Variants in BABAM1 observed in about 807,000 individuals in gnomAD.
BABAM1 encodes BRISC and BRCA1 A complex member 1.
A neutral mutation model predicts 34.4 loss-of-function variants in BABAM1; 14 were observed. The observed-to-expected ratio is 0.41, with a 90% CI of 0.27 to 0.64. The LOEUF (loss-of-function observed/expected upper bound fraction) is 0.64, where lower values mean the gene tolerates loss of function less well. BABAM1 is among the 30% of genes least tolerant of loss of function. The pLI is 0.34. For missense variants in BABAM1, 393 were observed against 434.0 expected (o/e 0.91, Z 0.84); for synonymous variants, 169 against 165.8 (o/e 1.02, Z -0.15).
At chr19:17,275,910 T>G (rs1599498749) in intron 6 of BABAM1, 85 bp downstream of exon 6, 1 of 1,486,362 alleles carries the variant, frequency 6.7e-7, no homozygotes, top group East Asian at 2.3e-5. Context: ...ACAGAAGTAA[T>G]CTAGGGAGCC....
Position 17,276,943 on chromosome 19 carries a change from G to A in BABAM1, c.786+34G>A, listed in dbSNP as rs771006262. 9.3e-5 allele frequency: 143 copies of A among 1,545,450 alleles called. No individual in the cohort carries two copies. The African/African-American group carries it at 1.7e-3, about 18-fold the overall frequency. On this transcript the variant is annotated intron_variant, in intron 8 of 8. Transcript: ENST00000598188. ...CTGCAGCAGGTGTGAGTAGCAGGCGGGTGTGGACAGGATGTCTTGGAACAC... is the reference window on the plus strand; with the variant it reads ...CTGCAGCAGGTGTGAGTAGCAGGCGAGTGTGGACAGGATGTCTTGGAACAC...
At chr19:17,269,437 GCCTC>G (rs1358586396) in intron 2 of BABAM1, among the ~76,000 whole-genome samples, 1 of 145,466 alleles carries the variant, frequency 6.9e-6, no homozygotes, top group Non-Finnish European at 1.5e-5. Flanking sequence ...TGCAACCTCT[GCCTC>G]CCGGGTTCAA....
chr19:17,271,480 G>A (rs2073840211), intron 2 of BABAM1, 117 bp from the exon 3 acceptor site: 1 of 1,136,070 alleles, frequency 8.8e-7, no homozygotes, highest in African/African-American at 1.6e-5. Flanking sequence ...GCTTGGCTGA[G>A]GATTAGAGGT....
chr19:17,270,199 G>A (rs2073823516), intron 2 of BABAM1, among the ~76,000 whole-genome samples: 1 of 152,070 alleles, frequency 6.6e-6, no homozygotes, highest in Admixed American at 6.6e-5. Flanking sequence ...CCAAAGTGCT[G>A]GGATTACAGG....
chr19:17,276,995 C>T, intron 8 of BABAM1, 86 bp downstream of exon 8: 1 of 1,294,560 alleles, frequency 7.7e-7, no homozygotes, highest in South Asian at 1.3e-5. Flanking sequence ...GGGGTCTCTA[C>T]CTCCATTTGA....
intron 5 of BABAM1, 113 bp downstream of exon 5, chr19:17,274,298 T>A (rs2073882607): frequency 1.5e-6 from 2 of 1,375,662 alleles, no homozygotes; most frequent in Non-Finnish European, 2.0e-6. Flanking sequence ...AGATCTCAGA[T>A]CTGCCAAGGC....
intron 2 of BABAM1, among the ~76,000 whole-genome samples, chr19:17,270,056 G>A (rs1016242311): frequency 1.6e-4 from 24 of 151,344 alleles, no homozygotes; most frequent in Non-Finnish European, 3.2e-4. Context: ...TCAGCCTCCC[G>A]AGTAGCTGGG....
Position 17,268,944 on chromosome 19 carries a change from C to T in BABAM1, c.138C>T (p.Gly46=). Residue 46 remains glycine (G), a synonymous_variant, in exon 2 of 9, where the codon GGC becomes GGT. Transcript: ENST00000598188. ...DRAVGAQASV[G]SRSEGEGEAA... ...CAGTAGGGGCACAGGCCAGCGTGGG[C>T]AGCCGCAGCGAGGGTGAGGGTGAGG... The T allele has an allele frequency of 6.3e-7, 1 of 1,575,022 alleles. No homozygotes were observed. The highest frequency in any genetic ancestry group is 8.6e-7 in the Non-Finnish European group (1 of 1,161,488).
At chr19:17,273,872 C>A in intron 3 of BABAM1, 32 bp from the exon 4 acceptor site, 1 of 1,572,930 alleles carries the variant, frequency 6.4e-7, no homozygotes, top group Non-Finnish European at 8.6e-7. Flanking sequence ...CCTGAGGGAA[C>A]CTTAATTCCC....
intron 2 of BABAM1, among the ~76,000 whole-genome samples, chr19:17,269,727 A>ATTT (rs1023530092): frequency 0.013 from 1,760 of 138,052 alleles, 33 homozygotes; most frequent in African/African-American, 0.044. Context: ...TCTTTGCCCA[A>ATTT]TTTTTTTTTT....
At chr19:17,278,325 T>C (rs1356469738) in intron 8 of BABAM1, among the ~76,000 whole-genome samples, 1 of 150,814 alleles carries the variant, frequency 6.6e-6, no homozygotes, top group Non-Finnish European at 1.5e-5. Context: ...TTTTTTTTTT[T>C]TGAGGCGGAG....
At chr19:17,275,936 T>A in intron 6 of BABAM1, 111 bp downstream of exon 6, 1 of 1,241,422 alleles carries the variant, frequency 8.1e-7, no homozygotes, top group Non-Finnish European at 1.2e-6. Flanking sequence ...GCCTCCTCCC[T>A]TCCTACCTCG....
At chr19:17,273,696 G>T (rs1307769331) in intron 3 of BABAM1, among the ~76,000 whole-genome samples, 1 of 151,388 alleles carries the variant, frequency 6.6e-6, no homozygotes, top group Non-Finnish European at 1.5e-5. Context: ...CTGAGTAGCT[G>T]GGATTACAGG....
intron 8 of BABAM1, 66 bp from the exon 9 acceptor site, chr19:17,278,779 T>C: frequency 6.9e-7 from 1 of 1,457,934 alleles, no homozygotes; most frequent in Non-Finnish European, 9.4e-7. Flanking sequence ...CCTCCAGGGA[T>C]ATGAAGGGCC....
intron 1 of BABAM1, 57 bp downstream of exon 1, chr19:17,267,584 A>G (rs554229757): frequency 3.3e-5 from 5 of 152,346 alleles, no homozygotes; most frequent in Non-Finnish European, 7.3e-5. Flanking sequence ...CTTTGCCCCA[A>G]GAGATCCAGC....
chr19:17,267,858 G>A (rs528929940), intron 1 of BABAM1, among the ~76,000 whole-genome samples: 1 of 152,292 alleles, frequency 6.6e-6, no homozygotes, highest in East Asian at 1.9e-4. Context: ...GGGTGTCCTA[G>A]AGGTTATTAT....
At chr19:17,270,324 A>C (rs560216336) in intron 2 of BABAM1, among the ~76,000 whole-genome samples, 52 of 152,052 alleles carry the variant, frequency 3.4e-4, no homozygotes, top group Non-Finnish European at 6.8e-4. Context: ...CTGGGATTAC[A>C]GGTGTTAGCC....
chr19:17,274,074 G>T (rs769840261), intron 4 of BABAM1, 33 bp from the exon 5 acceptor site: 3 of 1,613,802 alleles, frequency 1.9e-6, no homozygotes, highest in East Asian at 2.2e-5. Context: ...GGGGCCCGGG[G>T]AGCATCGCAC....
At position 17,279,072 on chromosome 19, in the gene BABAM1, T is replaced by C. The variant is rs757714650; in HGVS notation, c.*24T>C. ...GAACCATCCCTGTACATCTGCACCT[T>C]CTTGTGCAAGGAAGTCCTTGGCCTA... On this transcript the variant is annotated 3_prime_UTR_variant, in exon 9 of 9. Transcript: ENST00000598188. The C allele has an allele frequency of 6.3e-7, 1 of 1,591,338 alleles. No homozygotes were observed. The highest frequency in any genetic ancestry group is 1.7e-5 in the Admixed American group (1 of 57,870).
Sources: allele counts gnomAD v4.1 joint callset (sites outside exome capture counted in the v4.1 genomes callset), GRCh38; gene constraint gnomAD v4.1.1; transcripts MANE v1.5; gene names NCBI Gene and HGNC (gene_info 2026-07-23, HGNC 2026-07-21).